CAST: variants seen among roughly 807,000 people sequenced by gnomAD.
CAST encodes MIR583 host.
A neutral mutation model predicts 119.6 loss-of-function variants in CAST; 76 were observed. The ratio of observed to expected loss-of-function variants is 0.64; its 90% CI spans 0.53 to 0.77. The LOEUF (loss-of-function observed/expected upper bound fraction) is 0.77. CAST is among the 30% of genes least tolerant of loss of function. The pLI is 0.00. For synonymous variants in CAST, 319 were observed against 331.6 expected (o/e 0.96, Z 0.41); for missense variants, 953 against 946.5 (o/e 1.01, Z -0.09).
chr5:96,397,384 T>A, the CAST span: 1 of 1,611,532 alleles, frequency 6.2e-7, no homozygotes, highest in Non-Finnish European at 8.5e-7. Context: ...TCTCTCCCCA[T>A]GTGTGAACAG....
the CAST span, chr5:96,416,228 G>A: frequency 1.3e-6 from 1 of 784,554 alleles, no homozygotes; most frequent in South Asian, 1.4e-5. Flanking sequence ...TGTCGGCCTT[G>A]TTACTGTTTT....
At chr5:96,640,634 C>T (rs1223615054) in intron 1 of CAST, among the ~76,000 whole-genome samples, 1 of 152,190 alleles carries the variant, frequency 6.6e-6, no homozygotes, top group East Asian at 1.9e-4. Context: ...AAAAGGGGAG[C>T]TGAGCTGGGA....
intron 1 of CAST, among the ~76,000 whole-genome samples, chr5:96,570,398 G>T (rs1233539275): frequency 2.0e-5 from 3 of 152,196 alleles, no homozygotes; most frequent in Non-Finnish European, 2.9e-5. Flanking sequence ...GTAATGGAAA[G>T]AGTGGCTGAA....
the CAST span, among the ~76,000 whole-genome samples, chr5:96,460,864 T>C: frequency 6.6e-6 from 1 of 152,152 alleles, no homozygotes; most frequent in Non-Finnish European, 1.5e-5. Flanking sequence ...TTTTAGATAA[T>C]AGCTTTATTG....
intron 1 of CAST, among the ~76,000 whole-genome samples, chr5:96,570,830 G>A (rs1561419729): frequency 6.6e-6 from 1 of 152,200 alleles, no homozygotes; most frequent in African/African-American, 2.4e-5. Context: ...GTTTGTTTGA[G>A]TTATAGATGG....
At chr5:95,964,768 C>A in the CAST span, among the ~76,000 whole-genome samples, 1 of 152,184 alleles carries the variant, frequency 6.6e-6, no homozygotes, top group Non-Finnish European at 1.5e-5. Flanking sequence ...GAGGCAGGGT[C>A]GGAATCAGCT....
chr5:96,386,143 T>C, the CAST span, among the ~76,000 whole-genome samples: 1 of 152,270 alleles, frequency 6.6e-6, no homozygotes, highest in South Asian at 2.1e-4. Flanking sequence ...ATCTGTTTTG[T>C]ATTGTTATTA....
chr5:96,657,047 A>C (rs1438749448), intron 1 of CAST, among the ~76,000 whole-genome samples: 1 of 152,232 alleles, frequency 6.6e-6, no homozygotes, highest in African/African-American at 2.4e-5. Flanking sequence ...GGAAAGAAAC[A>C]AAAATGAAAA....
the CAST span, among the ~76,000 whole-genome samples, chr5:96,268,011 A>G: frequency 2.6e-5 from 4 of 152,188 alleles, no homozygotes; most frequent in Admixed American, 2.6e-4. Context: ...TCTCTTTAAA[A>G]TAACTTATTA....
the CAST span, among the ~76,000 whole-genome samples, chr5:96,186,624 A>G: frequency 2.6e-5 from 4 of 152,110 alleles, no homozygotes; most frequent in South Asian, 8.3e-4. Flanking sequence ...TTTTGACTTC[A>G]GTTCTGTTTA....
At chr5:96,134,044 G>A in the CAST span, among the ~76,000 whole-genome samples, 4 of 152,290 alleles carry the variant, frequency 2.6e-5, no homozygotes, top group South Asian at 2.1e-4. Flanking sequence ...TTAAACCACC[G>A]TAAAACCTCC....
the CAST span, among the ~76,000 whole-genome samples, chr5:96,242,506 A>G: frequency 6.6e-6 from 1 of 152,204 alleles, no homozygotes; most frequent in African/African-American, 2.4e-5. Context: ...CTCTGCTGTC[A>G]TGGAGCCTCC....
At chr5:96,662,271 C>T, upstream of CAST, 1 of 973,478 alleles carries the variant, frequency 1.0e-6, no homozygotes, top group South Asian at 2.5e-5. Flanking sequence ...CGGCGCAGAC[C>T]TGGGGTGGGG....
chr5:96,496,515 AT>A, the CAST span, among the ~76,000 whole-genome samples: 1 of 152,380 alleles, frequency 6.6e-6, no homozygotes, highest in South Asian at 2.1e-4. Flanking sequence ...GACTCAAAAC[AT>A]TTTGGTCATA....
chr5:96,467,617 C>T, the CAST span, among the ~76,000 whole-genome samples: 2 of 151,922 alleles, frequency 1.3e-5, no homozygotes. Context: ...TGATTCTGGA[C>T]TTGATGTCTG....
intron 1 of CAST, among the ~76,000 whole-genome samples, chr5:96,611,300 G>A (rs1438084317): frequency 1.3e-5 from 2 of 152,050 alleles, no homozygotes; most frequent in African/African-American, 4.8e-5. Flanking sequence ...CAGAAACAGA[G>A]CCACTCATCT....
the CAST span, among the ~76,000 whole-genome samples, chr5:96,396,854 T>TA: frequency 6.6e-6 from 1 of 152,226 alleles, no homozygotes; most frequent in African/African-American, 2.4e-5. Flanking sequence ...GTTTCATGAC[T>TA]AAAACTGTTT....
At chr5:96,566,395 A>C (rs367648066) in intron 1 of CAST, among the ~76,000 whole-genome samples, 21 of 152,364 alleles carry the variant, frequency 1.4e-4, no homozygotes, top group African/African-American at 5.0e-4. Flanking sequence ...GGAAGACATT[A>C]GTGAAAAGAC....
At chr5:96,159,463 A>G in the CAST span, among the ~76,000 whole-genome samples, 42 of 152,376 alleles carry the variant, frequency 2.8e-4, no homozygotes, top group Non-Finnish European at 2.4e-4. Flanking sequence ...AAGCAAAATG[A>G]TGAAACGATG....
Sources: allele counts gnomAD v4.1 joint callset (sites outside exome capture counted in the v4.1 genomes callset), GRCh38; gene constraint gnomAD v4.1.1; transcripts MANE v1.5; gene names NCBI Gene and HGNC (gene_info 2026-07-23, HGNC 2026-07-21).